DACH2: variants seen among roughly 807,000 people sequenced by gnomAD.
The protein encoded by DACH2 is dachshund family transcription factor 2.
Under a neutral mutation model 35.8 loss-of-function variants are expected in DACH2, and 17 were observed. That is an observed-to-expected ratio of 0.48 (90% CI 0.33 to 0.71). The LOEUF is 0.71. DACH2 is among the 30% of genes least tolerant of loss of function. DACH2 has a pLI of 0.02. For missense variants in DACH2, 469 were observed against 472.7 expected (o/e 0.99, Z 0.07); for synonymous variants, 195 against 177.3 (o/e 1.10, Z -0.79).
intron 11 of DACH2, among the ~76,000 whole-genome samples, chrX:86,827,551 A>T (rs191394374): frequency 1.6e-3 from 178 of 111,941 alleles, no homozygotes; most frequent in African/African-American, 5.5e-3. Flanking sequence ...CATTTTTAAT[A>T]AAATGAGACT....
chrX:86,474,205 T>C (rs749914155), intron 2 of DACH2, among the ~76,000 whole-genome samples: 1 of 112,275 alleles, frequency 8.9e-6, no homozygotes, highest in South Asian at 3.7e-4. Context: ...CATTTTAAAA[T>C]CTGATTATTA....
intron 3 of DACH2, among the ~76,000 whole-genome samples, chrX:86,627,400 ATGT>A (rs1323048491): frequency 2.7e-5 from 3 of 111,743 alleles, no homozygotes; most frequent in Non-Finnish European, 5.6e-5. Flanking sequence ...ACAATTGTTC[ATGT>A]TGTTGTTGGT....
intron 2 of DACH2, among the ~76,000 whole-genome samples, chrX:86,444,410 G>T (rs2037224136): frequency 9.0e-6 from 1 of 111,565 alleles, no homozygotes; most frequent in Admixed American, 9.6e-5. Context: ...TATATGTTTG[G>T]TAGAATTCAG....
intron 1 of DACH2, among the ~76,000 whole-genome samples, chrX:86,220,986 A>G (rs972677286): frequency 3.6e-5 from 4 of 111,315 alleles, no homozygotes; most frequent in Non-Finnish European, 7.5e-5. Context: ...ACACCTTTTT[A>G]TATTTTTTCC....
intron 3 of DACH2, among the ~76,000 whole-genome samples, chrX:86,643,021 A>G (rs2040366279): frequency 1.8e-5 from 2 of 110,925 alleles, no homozygotes; most frequent in Non-Finnish European, 1.9e-5. Flanking sequence ...TTTCAAATTA[A>G]CAATCTAATT....
chrX:86,224,554 T>C (rs1379062036), intron 1 of DACH2, among the ~76,000 whole-genome samples: 1 of 110,354 alleles, frequency 9.1e-6, no homozygotes, highest in Non-Finnish European at 1.9e-5. Flanking sequence ...TGCTAATAAC[T>C]TAGTGAGGTG....
chrX:86,286,974 G>A (rs1380837762), intron 1 of DACH2, among the ~76,000 whole-genome samples: 4 of 111,312 alleles, frequency 3.6e-5, no homozygotes, highest in African/African-American at 9.8e-5. Context: ...TACCAGTGAG[G>A]ATTGTACCTT....
At chrX:86,570,497 G>A (rs748317926) in intron 3 of DACH2, among the ~76,000 whole-genome samples, 9 of 111,274 alleles carry the variant, frequency 8.1e-5, no homozygotes, top group African/African-American at 9.8e-5. Flanking sequence ...AACGGAAAAC[G>A]AAATACCACC....
intron 7 of DACH2, among the ~76,000 whole-genome samples, chrX:86,795,532 C>T (rs1036635531): frequency 1.8e-5 from 2 of 112,235 alleles, no homozygotes; most frequent in Admixed American, 9.5e-5. Flanking sequence ...CGCGCCCGGC[C>T]GCATGTTCCT....
intron 6 of DACH2, among the ~76,000 whole-genome samples, chrX:86,719,134 A>G (rs941828187): frequency 3.6e-5 from 4 of 112,126 alleles, no homozygotes; most frequent in Non-Finnish European, 5.6e-5. Flanking sequence ...TGTTTTTGAC[A>G]TCTACAATTA....
In DACH2 at chrX:86,197,222, C is replaced by T. The variant is rs146103891; in HGVS notation, c.488+48114C>T. Reference sequence around the variant, plus strand: ...AGACAAACAAATGATGAGGGAAATTCGATACCAGCCAACTGCCTTACAAAA... The same window carrying T: ...AGACAAACAAATGATGAGGGAAATTTGATACCAGCCAACTGCCTTACAAAA... On this transcript the variant is annotated intron_variant, in intron 1 of 11. Coordinates refer to ENST00000373125, the MANE Select transcript of DACH2 (RefSeq NM_053281.3). Among the ~76,000 whole-genome samples the T allele has an allele frequency of 6.4e-3, 708 of 111,261 alleles. 5 individuals are homozygous for T. The highest frequency in any genetic ancestry group is 0.021 in the African/African-American group (647 of 30,635).
At chrX:86,150,241 C>T (rs1053379014) in intron 1 of DACH2, among the ~76,000 whole-genome samples, 2 of 112,116 alleles carry the variant, frequency 1.8e-5, no homozygotes, top group Admixed American at 1.9e-4. Context: ...ATCACCATCA[C>T]GTGGTTAAAA....
intron 1 of DACH2, among the ~76,000 whole-genome samples, chrX:86,376,321 T>C (rs1236421723): frequency 9.1e-6 from 1 of 110,048 alleles, no homozygotes; most frequent in Non-Finnish European, 1.9e-5. Flanking sequence ...CTTACTTTCA[T>C]CATCCTGTTG....
In DACH2 at chrX:86,625,749, A is replaced by G. The variant is rs73506328; in HGVS notation, c.641-25287A>G. ...GCAGCAAGCAAGAGAGAGTTTGTGT[A>G]GGGGAGCTCCCCTTTGTAAAACCAT... is the stretch of plus-strand genomic sequence containing the variant. On this transcript the variant is annotated intron_variant, in intron 3 of 11. Coordinates refer to ENST00000373125, the MANE Select transcript of DACH2 (RefSeq NM_053281.3). 6.9e-4 allele frequency among the ~76,000 whole-genome samples: 77 copies of G among 111,240 alleles called. 1 individual carries two copies. Among genetic ancestry groups the G allele is most frequent in the African/African-American group, 2.5e-3 (75 of 30,569 alleles).
Position 86,336,744 on chromosome X carries a change from T to C in DACH2, c.489-40080T>C, listed in dbSNP as rs757249192. 6.0e-4 allele frequency among the ~76,000 whole-genome samples: 66 copies of C among 110,339 alleles called. 4 individuals carry two copies. The highest frequency in any genetic ancestry group is 2.0e-4 in the Admixed American group (2 of 10,205). On this transcript the variant is annotated intron_variant, in intron 1 of 11. Coordinates refer to ENST00000373125, the MANE Select transcript of DACH2 (RefSeq NM_053281.3). The stretch of plus-strand genomic sequence containing the variant: ...AATGAGTTTCACAAATAGACAGAAG[T>C]AGGCTTCAGAAGGTGGATAATAATA...
chrX:86,793,233 T>G (rs1361836), intron 7 of DACH2, among the ~76,000 whole-genome samples: 34,918 of 105,734 alleles, frequency 0.33, 4,784 homozygotes, highest in Middle Eastern at 0.43. Flanking sequence ...GTTTTTTGGG[T>G]TTTTTTTTGC....
At chrX:86,239,007 ACT>A (rs754682107) in intron 1 of DACH2, among the ~76,000 whole-genome samples, 9 of 111,343 alleles carry the variant, frequency 8.1e-5, no homozygotes, top group Non-Finnish European at 1.7e-4. Flanking sequence ...AGCACTAGAA[ACT>A]CAAAAAAGTA....
At chrX:86,461,722 C>G (rs2065064500) in intron 2 of DACH2, among the ~76,000 whole-genome samples, 1 of 111,020 alleles carries the variant, frequency 9.0e-6, no homozygotes. Flanking sequence ...CAAAATGTGA[C>G]CATCTAAAAG....
chrX:86,322,629 G>T (rs1183426713), intron 1 of DACH2, among the ~76,000 whole-genome samples: 1 of 111,984 alleles, frequency 8.9e-6, no homozygotes, highest in East Asian at 2.8e-4. Flanking sequence ...TCCACGACTT[G>T]TATGAACTGC....
Sources: gnomAD v4.1 joint callset for allele counts (sites outside exome capture counted in the v4.1 genomes callset) on GRCh38, gnomAD v4.1.1 for gene constraint, MANE v1.5 for transcripts, NCBI Gene and HGNC (gene_info 2026-07-23, HGNC 2026-07-21) for gene names.